MRAS: variants seen among roughly 807,000 people sequenced by gnomAD.
MRAS encodes ras-related protein M-Ras.
MRAS carries 4 observed loss-of-function variants against 20.9 expected under a neutral mutation model. The observed-to-expected ratio is 0.19, with a 90% CI of 0.09 to 0.44. MRAS has a LOEUF of 0.44. Ranked by LOEUF, MRAS falls within the 20% of genes least tolerant of loss-of-function variation. MRAS has a pLI of 0.99. For synonymous variants in MRAS, 98 were observed against 102.9 expected, an observed-to-expected ratio of 0.95 and a Z score of 0.29; for missense variants, 154 against 277.5, an observed-to-expected ratio of 0.56 and a Z score of 3.16.
At chr3:138,354,206 A>G (rs2054284728) in intron 1 of MRAS, among the ~76,000 whole-genome samples, 1 of 152,172 alleles carries the variant, frequency 6.6e-6, no homozygotes, top group Admixed American at 6.5e-5. Flanking sequence ...TACAGTCACA[A>G]ATGAACCCCT....
rs2055389309 is a variant in MRAS at position 138,402,834 on chromosome 3, C to T, written c.*565C>T. On this transcript the variant is annotated 3_prime_UTR_variant, in exon 6 of 6. Transcript: ENST00000423968. ...TGTTGTTGTTTTTTAACCGAGTTTT[C>T]CCATCAGTGCCAAAACTCAACTCAA... 6.6e-6 allele frequency: 1 copy of T among 152,516 alleles called. No homozygotes were observed. Among genetic ancestry groups the T allele is most frequent in the Non-Finnish European group, 1.5e-5 (1 of 68,046 alleles). The allele number at this position is 152,516 out of a possible 1,614,324, so 9.4% of individuals were successfully genotyped here.
chr3:138,401,086 C>G (rs1000512826), intron 5 of MRAS, among the ~76,000 whole-genome samples: 7 of 152,226 alleles, frequency 4.6e-5, no homozygotes, highest in African/African-American at 1.7e-4. Flanking sequence ...CCCAACCCCA[C>G]CAGCTGTCAA....
chr3:138,397,726 C>G (rs550288564), intron 3 of MRAS, among the ~76,000 whole-genome samples: 44 of 152,242 alleles, frequency 2.9e-4, no homozygotes, highest in Non-Finnish European at 6.0e-4. Flanking sequence ...AAGCTTTGAG[C>G]AAATTCCATT....
intron 2 of MRAS, among the ~76,000 whole-genome samples, chr3:138,381,971 A>G (rs551586717): frequency 6.2e-4 from 94 of 152,284 alleles, no homozygotes; most frequent in African/African-American, 2.2e-3. Flanking sequence ...CTTTATGCTC[A>G]GCAGGCCTTA....
intron 2 of MRAS, among the ~76,000 whole-genome samples, chr3:138,391,814 A>C (rs1290955409): frequency 6.6e-6 from 1 of 152,182 alleles, no homozygotes; most frequent in Non-Finnish European, 1.5e-5. Flanking sequence ...TATGGCCTCT[A>C]ATATATGGCC....
At chr3:138,375,382 T>C (rs1344803815) in intron 2 of MRAS, among the ~76,000 whole-genome samples, 1 of 152,244 alleles carries the variant, frequency 6.6e-6, no homozygotes, top group Non-Finnish European at 1.5e-5. Flanking sequence ...AGAGTAATGT[T>C]GGCCTCATAG....
intron 2 of MRAS, among the ~76,000 whole-genome samples, chr3:138,382,191 C>T (rs2054919196): frequency 6.6e-6 from 1 of 152,248 alleles, no homozygotes; most frequent in African/African-American, 2.4e-5. Context: ...CCCTTTGTCC[C>T]TGCTGCATCA....
intron 1 of MRAS, among the ~76,000 whole-genome samples, chr3:138,355,939 A>G (rs898707392): frequency 6.6e-6 from 1 of 152,216 alleles, no homozygotes; most frequent in African/African-American, 2.4e-5. Flanking sequence ...AAGAATAAAA[A>G]TAAAAAATAG....
intron 1 of MRAS, among the ~76,000 whole-genome samples, chr3:138,363,495 C>A (rs1288458070): frequency 6.6e-6 from 1 of 152,152 alleles, no homozygotes; most frequent in African/African-American, 2.4e-5. Context: ...GCATTACTTA[C>A]CCAGTGTACC....
At position 138,402,499 on chromosome 3, in the gene MRAS, A is replaced by T. The variant is rs2055380976; in HGVS notation, c.*230A>T. 8.4e-6 allele frequency: 4 copies of T among 476,720 alleles called. No individual in the cohort carries two copies. The South Asian group carries it at 1.7e-4, about 21-fold the overall frequency. The allele number at this position is 476,720 out of a possible 1,614,324, so 29.5% of individuals were successfully genotyped here. On this transcript the variant is annotated 3_prime_UTR_variant, in exon 6 of 6. Transcript: ENST00000423968. ...GAAGCCACCTGTAAGCAGAAGCAGCATCCAAGTGCCCCTGGCCCCCCCATG... is the reference window on the plus strand; with the variant it reads ...GAAGCCACCTGTAAGCAGAAGCAGCTTCCAAGTGCCCCTGGCCCCCCCATG...
chr3:138,398,886 C>T (rs1483933810), intron 4 of MRAS, among the ~76,000 whole-genome samples: 4 of 152,160 alleles, frequency 2.6e-5, no homozygotes, highest in Non-Finnish European at 4.4e-5. Context: ...GGAACCTGGG[C>T]CATTACTGAG....
chr3:138,368,621 C>G (rs2054613026), intron 1 of MRAS, among the ~76,000 whole-genome samples: 1 of 152,172 alleles, frequency 6.6e-6, no homozygotes, highest in Non-Finnish European at 1.5e-5. Context: ...CCATCATCCT[C>G]AAAAGTGAAG....
intron 1 of MRAS, among the ~76,000 whole-genome samples, chr3:138,369,846 TG>T (rs1191517736): frequency 6.6e-6 from 1 of 152,188 alleles, no homozygotes; most frequent in Non-Finnish European, 1.5e-5. Flanking sequence ...TGGCTGTGGG[TG>T]GTCTGAGTGC....
intron 1 of MRAS, among the ~76,000 whole-genome samples, chr3:138,357,033 C>T (rs1330207180): frequency 6.6e-6 from 1 of 152,222 alleles, no homozygotes; most frequent in Admixed American, 6.5e-5. Context: ...TTTCTGGACT[C>T]CCAACTGGGT....
chr3:138,395,184 G>A lies in MRAS; in HGVS notation c.194-2140G>A, dbSNP rs562509141. Among the ~76,000 whole-genome samples, 13 of 152,146 alleles carry A rather than the reference G, an allele frequency of 8.5e-5. No homozygotes were observed. The East Asian group carries it at 2.3e-3, about 27-fold the overall frequency. On this transcript the variant is annotated intron_variant, in intron 2 of 5. Coordinates refer to ENST00000423968, the MANE Select transcript of MRAS (RefSeq NM_001085049.3). ...GCCTCATGAGTAGCTGGGATTGCAGGCGCTCGACACCATGCCTGGCTAATT... is the reference window on the plus strand; with the variant it reads ...GCCTCATGAGTAGCTGGGATTGCAGACGCTCGACACCATGCCTGGCTAATT...
intron 1 of MRAS, among the ~76,000 whole-genome samples, chr3:138,351,095 C>T (rs1487909818): frequency 2.6e-5 from 4 of 152,168 alleles, no homozygotes; most frequent in Admixed American, 6.5e-5. Context: ...GTCAGAATCA[C>T]ATGTTGACCA....
chr3:138,362,384 C>T (rs1195010050), intron 1 of MRAS, among the ~76,000 whole-genome samples: 3 of 152,118 alleles, frequency 2.0e-5, no homozygotes, highest in Non-Finnish European at 4.4e-5. Flanking sequence ...GGATAATAAC[C>T]CTCCCCCACA....
At chr3:138,363,832 C>CCA (rs1553797828) in intron 1 of MRAS, among the ~76,000 whole-genome samples, 1 of 123,800 alleles carries the variant, frequency 8.1e-6, no homozygotes, top group Non-Finnish European at 1.8e-5. Context: ...CCCCCCCCCC[C>CCA]CCAAACCACA....
intron 1 of MRAS, among the ~76,000 whole-genome samples, chr3:138,362,482 T>G (rs954471064): frequency 1.4e-4 from 21 of 152,098 alleles, no homozygotes; most frequent in Non-Finnish European, 7.4e-5. Context: ...CCCCTTCCCC[T>G]CCTCTGAGAT....
Sources: gnomAD v4.1 joint callset for allele counts (sites outside exome capture counted in the v4.1 genomes callset) on GRCh38, gnomAD v4.1.1 for gene constraint, MANE v1.5 for transcripts, NCBI Gene and HGNC (gene_info 2026-07-23, HGNC 2026-07-21) for gene names.